The following USP38 variants were observed in gnomAD, a reference collection of about 807,000 sequenced individuals.
The protein encoded by USP38 is ubiquitin specific peptidase 38.
USP38 carries 49 observed loss-of-function variants against 94.3 expected under a neutral mutation model. The ratio of observed to expected loss-of-function variants is 0.52; its 90% CI spans 0.41 to 0.66. The LOEUF (loss-of-function observed/expected upper bound fraction) is 0.66. USP38 is among the 30% of genes least tolerant of loss of function. The pLI is 0.00. For synonymous variants in USP38, 468 were observed against 463.6 expected, an observed-to-expected ratio of 1.01 and a Z score of -0.12; for missense variants, 1,128 against 1,229.4, an observed-to-expected ratio of 0.92 and a Z score of 1.23.
intron 4 of USP38, among the ~76,000 whole-genome samples, chr4:143,202,355 G>A (rs1731738645): frequency 6.6e-6 from 1 of 152,042 alleles, no homozygotes; most frequent in Admixed American, 6.6e-5. Flanking sequence ...TCTTTTTGTG[G>A]GAAGGACGGG....
At chr4:143,198,233 A>T (rs1156442201) in intron 4 of USP38, among the ~76,000 whole-genome samples, 2 of 152,132 alleles carry the variant, frequency 1.3e-5, no homozygotes, top group Non-Finnish European at 2.9e-5. Flanking sequence ...AATGATTGAA[A>T]ACCACTGCTT....
intron 4 of USP38, 148 bp from the exon 5 acceptor site, chr4:143,203,260 T>C: frequency 1.3e-6 from 1 of 773,004 alleles, no homozygotes; most frequent in East Asian, 2.8e-5. Context: ...ATTTTAGAAA[T>C]GTTTAACTTA....
In USP38 at chr4:143,207,196, C is replaced by T. The variant is rs559255225; in HGVS notation, c.1403+970C>T. ...CCCAAAGAGGTTTACAAATTAAGTT[C>T]TAAGCTTTTCCAAGTTGTTATGCCT... On this transcript the variant is annotated intron_variant, in intron 6 of 9. Transcript: ENST00000307017. Among the ~76,000 whole-genome samples, 11 of 152,268 alleles carry T rather than the reference C, an allele frequency of 7.2e-5. No homozygotes were observed. In the South Asian group the frequency reaches 1.5e-3, roughly 20 times the overall value.
intron 6 of USP38, 62 bp from the exon 7 acceptor site, chr4:143,209,502 A>AT: frequency 3.0e-6 from 3 of 1,015,288 alleles, no homozygotes; most frequent in Non-Finnish European, 2.8e-6. Context: ...AAAAAAAAAA[A>AT]GCTTTTAATA....
intron 2 of USP38, 81 bp downstream of exon 2, chr4:143,188,042 CTTA>C: frequency 7.1e-7 from 1 of 1,412,302 alleles, no homozygotes. Flanking sequence ...TAATGAAAAA[CTTA>C]CGAATGTTTA....
rs760208456 is a variant in USP38, at chr4:143,203,567, G to T, written c.1209+1G>T. On this transcript the variant is annotated splice_donor_variant, in intron 5 of 9. Coordinates refer to ENST00000307017, the MANE Select transcript of USP38 (RefSeq NM_032557.6). LOFTEE classifies it high-confidence loss of function. ...TGAACCTATTCTGGAGGCAATAAAG[G>T]TATGATGATAGTTGTACCAATATTT... The T allele has an allele frequency of 2.5e-6, 4 of 1,608,230 alleles. No individual in the cohort carries two copies. The highest frequency in any genetic ancestry group is 3.4e-6 in the Non-Finnish European group (4 of 1,178,296).
intron 1 of USP38, 38 bp downstream of exon 1, chr4:143,186,170 T>G: frequency 1.3e-6 from 2 of 1,577,536 alleles, no homozygotes; most frequent in Non-Finnish European, 1.7e-6. Context: ...TCATAAAAAA[T>G]CAGTATATGT....
Position 143,186,147 on chromosome 4 carries a change from C to T in USP38, c.682+15C>T. On this transcript the variant is annotated intron_variant, in intron 1 of 9. Transcript: ENST00000307017. ...CTCTTCCACAGGTAAGGGTCATTATCTTTCAGAATATCTCATAAAAAATCA... is the reference window on the plus strand; with the variant it reads ...CTCTTCCACAGGTAAGGGTCATTATTTTTCAGAATATCTCATAAAAAATCA... The T allele has an allele frequency of 1.2e-6, 2 of 1,608,930 alleles. No homozygotes were observed. The highest frequency in any genetic ancestry group is 1.7e-6 in the Non-Finnish European group (2 of 1,176,642).
chr4:143,211,081 A>ATT (rs1209450826), intron 7 of USP38, among the ~76,000 whole-genome samples: 1 of 151,942 alleles, frequency 6.6e-6, no homozygotes, highest in Non-Finnish European at 1.5e-5. Flanking sequence ...TATTATATAT[A>ATT]AAATATATAT....
chr4:143,209,755 A>G (rs979378471), intron 7 of USP38, 98 bp downstream of exon 7: 8 of 673,348 alleles, frequency 1.2e-5, no homozygotes, highest in African/African-American at 1.1e-4. Context: ...ATGAAATAAT[A>G]TAATAGATAT....
chr4:143,212,838 C>G (rs1452545764), intron 8 of USP38, among the ~76,000 whole-genome samples: 1 of 152,098 alleles, frequency 6.6e-6, no homozygotes, highest in South Asian at 2.1e-4. Context: ...ATGTAAAACA[C>G]TGCCATTCTT....
In USP38 at chr4:143,214,740, A is replaced by T; in HGVS notation, c.2764A>T (p.Thr922Ser). The T allele has an allele frequency of 6.2e-7, 1 of 1,613,778 alleles. No homozygotes were observed. Among genetic ancestry groups the T allele is most frequent in the Non-Finnish European group, 8.5e-7 (1 of 1,179,808 alleles). Residue 922 changes from threonine to serine, a missense_variant, in exon 9 of 10, where the codon ACA becomes TCA. By Grantham distance (58) the Thr-to-Ser change is moderately conservative. Transcript: ENST00000307017. Reference sequence around the variant, plus strand: ...GTTTTTATTTAATGACAGTAGAGTGACATTTACTTCATTTCAGTCAGTCCA... The same window carrying T: ...GTTTTTATTTAATGACAGTAGAGTGTCATTTACTTCATTTCAGTCAGTCCA... ...EWFLFNDSRV[T>S]FTSFQSVQKI...
In USP38 at chr4:143,220,917, A is replaced by G. The variant is rs1198481493; in HGVS notation, c.*461A>G. 1 of 152,512 alleles carries G rather than the reference A, an allele frequency of 6.6e-6. No homozygotes were observed. The highest frequency in any genetic ancestry group is 1.5e-5 in the Non-Finnish European group (1 of 68,132). 9.4% of individuals were successfully genotyped at this position (152,512 alleles called of 1,614,324 possible). On this transcript the variant is annotated 3_prime_UTR_variant, in exon 10 of 10. Transcript: ENST00000307017. ...ATTAAATTCAAGTCCTTGAAAATCA[A>G]CTAGAGATTATAAAGTCTCTAAAGA...
chr4:143,192,662 G>A (rs1274133349), intron 2 of USP38, among the ~76,000 whole-genome samples: 1 of 150,828 alleles, frequency 6.6e-6, no homozygotes. Flanking sequence ...AGAAAGAGCA[G>A]GGGTGCCCCC....
At chr4:143,219,799 G>C (rs1174074565) in intron 9 of USP38, among the ~76,000 whole-genome samples, 1 of 151,692 alleles carries the variant, frequency 6.6e-6, no homozygotes, top group Non-Finnish European at 1.5e-5. Context: ...CATATGCTTG[G>C]CATCTAGATA....
At chr4:143,198,310 C>G (rs747679545) in intron 4 of USP38, among the ~76,000 whole-genome samples, 18 of 152,236 alleles carry the variant, frequency 1.2e-4, no homozygotes, top group Non-Finnish European at 2.2e-4. Flanking sequence ...AGCCTACATC[C>G]TACAAATCCT....
chr4:143,188,406 T>C (rs1292040829), intron 2 of USP38, among the ~76,000 whole-genome samples: 1 of 152,104 alleles, frequency 6.6e-6, no homozygotes, highest in Non-Finnish European at 1.5e-5. Flanking sequence ...CAGTTTTAAA[T>C]AGATGATTTG....
In USP38 at chr4:143,187,844, C is replaced by G. The variant is rs1731272992; in HGVS notation, c.701C>G (p.Ser234Cys). 6.2e-7 allele frequency: 1 copy of G among 1,612,102 alleles called. No homozygotes were observed. Among genetic ancestry groups the G allele is most frequent in the South Asian group, 1.1e-5 (1 of 90,744 alleles). Residue 234 changes from serine to cysteine, a missense_variant, in exon 2 of 10, where the codon TCT (serine) becomes TGT (cysteine). Coordinates refer to ENST00000307017, the MANE Select transcript of USP38 (RefSeq NM_032557.6). ...ISSTDASFEP[S>C]VALASLVQHI... is the part of the protein sequence containing the mutation. The stretch of plus-strand genomic sequence containing the variant: ...AAAACAGATGCATCATTTGAACCTT[C>G]TGTAGCATTGGCAAGCCTTGTGCAG...
chr4:143,213,657 T>A lies in USP38; in HGVS notation c.1681T>A (p.Ser561Thr). 6.2e-7 allele frequency: 1 copy of A among 1,613,470 alleles called. No homozygotes were observed. Among genetic ancestry groups the A allele is most frequent in the African/African-American group, 1.3e-5 (1 of 75,014 alleles). Residue 561 changes from serine to threonine, a missense_variant, in exon 9 of 10, where the codon TCT becomes ACT. Physicochemically the swap from Ser to Thr is moderately conservative, Grantham distance 58 (BLOSUM62 1). Coordinates refer to ENST00000307017, the MANE Select transcript of USP38 (RefSeq NM_032557.6). ...TGAAATTCTGGAATGCAGTGAAACT[T>A]CTTTACAGGAAGTAGCTAGTAAAGC... is the stretch of plus-strand genomic sequence containing the variant. ...PSEILECSET[S>T]LQEVASKAAV...
Sources: gnomAD v4.1 joint callset for allele counts (sites outside exome capture counted in the v4.1 genomes callset) on GRCh38, gnomAD v4.1.1 for gene constraint, MANE v1.5 for transcripts, NCBI Gene and HGNC (gene_info 2026-07-23, HGNC 2026-07-21) for gene names.